Variants in GLT8D1 observed in about 807,000 individuals in gnomAD.
The protein encoded by GLT8D1 is glycosyltransferase 8 domain-containing protein 1.
A neutral mutation model predicts 46.2 loss-of-function variants in GLT8D1; 41 were observed. The observed-to-expected ratio is 0.89, with a 90% CI of 0.69 to 1.15. The LOEUF is 1.15. Ranked by LOEUF, GLT8D1 falls within the 50% of genes most tolerant of loss-of-function variation. GLT8D1 has a pLI of 0.00. For synonymous variants in GLT8D1, 150 were observed against 154.2 expected (o/e 0.97, Z 0.20); for missense variants, 408 against 449.3 (o/e 0.91, Z 0.83).
rs994896762 is a variant in GLT8D1, at chr3:52,701,659, G to A, written c.-36-1163C>T. Among the ~76,000 whole-genome samples, 5 of 152,072 alleles carry A rather than the reference G, an allele frequency of 3.3e-5. No homozygotes were observed. In the South Asian group the frequency reaches 6.2e-4, roughly 19 times the overall value. ...TGAGATTACAGGCGTGAGCCACCAC[G>A]CCCGGCCAAAAAAACATTTAAGGTG... On this transcript the variant is annotated intron_variant, in intron 1 of 9. Coordinates refer to ENST00000266014, the MANE Select transcript of GLT8D1 (RefSeq NM_018446.4).
At position 52,697,702 on chromosome 3, in the gene GLT8D1, TCA is replaced by T. The variant is rs1391263126; in HGVS notation, c.329+17_329+18del. 2 of 1,529,354 alleles carry T rather than the reference TCA, an allele frequency of 1.3e-6. No homozygotes were observed. Among genetic ancestry groups the T allele is most frequent in the African/African-American group, 2.7e-5 (2 of 73,218 alleles). 94.7% of individuals were successfully genotyped at this position (1,529,354 alleles called of 1,614,324 possible). A position where few individuals can be genotyped will look rare whatever the true frequency, so the allele number is the denominator to read the frequency against. ...TCTAAATCATCCTCTAGAAGCAGAA[TCA>T]CATAAGCAGAGCTCACCGGAGATGG... On this transcript the variant is annotated intron_variant, in intron 4 of 9. Transcript: ENST00000266014.
chr3:52,696,291 T>C lies in GLT8D1; in HGVS notation c.475A>G (p.Ile159Val), dbSNP rs746139018. Residue 159 changes from isoleucine to valine, a missense_variant, in exon 6 of 10, where the codon ATT (isoleucine) becomes GTT (valine). Physicochemically the swap from Ile to Val is conservative, Grantham distance 29 (BLOSUM62 3). Transcript: ENST00000266014. ...PLTFARFYLP[I>V]LVPSAKKAIY... ...GCCTTCTTTGCGCTGGGAACCAGAA[T>C]TGGCAAGTAGAACCTTGCAAAGGTT... 16 of 1,611,684 alleles carry C rather than the reference T, an allele frequency of 9.9e-6. No homozygotes were observed. The highest frequency in any genetic ancestry group is 2.7e-5 in the African/African-American group (2 of 74,886).
intron 1 of GLT8D1, among the ~76,000 whole-genome samples, chr3:52,701,988 A>G (rs146114201): frequency 6.6e-6 from 1 of 152,338 alleles, no homozygotes; most frequent in East Asian, 1.9e-4. Context: ...TAAGGCTATT[A>G]ATTTTACAAA....
At chr3:52,696,745 A>G (rs1312900769) in intron 4 of GLT8D1, 86 bp from the exon 5 acceptor site, 56 of 745,072 alleles carry the variant, frequency 7.5e-5, no homozygotes, top group Non-Finnish European at 9.3e-6. Context: ...CCTATGGACC[A>G]AATAGGTGTT....
rs200901885 is a variant in GLT8D1 at position 52,700,428 on chromosome 3, T to C, written c.16+17A>G. On this transcript the variant is annotated intron_variant, in intron 2 of 9. Coordinates refer to ENST00000266014, the MANE Select transcript of GLT8D1 (RefSeq NM_018446.4). ...TGACCAGGTATAAAAACAACTTAAC[T>C]TGTAGAAAGAGCATACCTTTACGGA... 1.3e-6 allele frequency: 2 copies of C among 1,596,010 alleles called. No homozygotes were observed. Among genetic ancestry groups the C allele is most frequent in the African/African-American group, 1.3e-5 (1 of 74,588 alleles).
intron 3 of GLT8D1, among the ~76,000 whole-genome samples, chr3:52,698,752 T>TACGG (rs139659655): frequency 0.039 from 5,881 of 151,574 alleles, 378 homozygotes; most frequent in African/African-American, 0.13. Flanking sequence ...AAACTGCAAT[T>TACGG]ACTGTCCTGT....
chr3:52,698,367 AG>A (rs1215296796), intron 3 of GLT8D1, among the ~76,000 whole-genome samples: 1 of 152,188 alleles, frequency 6.6e-6, no homozygotes, highest in African/African-American at 2.4e-5. Context: ...ATACAGAAAA[AG>A]TTTCTGGATT....
chr3:52,701,747 G>A (rs956964525), intron 1 of GLT8D1, among the ~76,000 whole-genome samples: 6 of 152,200 alleles, frequency 3.9e-5, no homozygotes, highest in African/African-American at 1.4e-4. Context: ...GTGTCTAATT[G>A]TCACAATGTC....
At position 52,694,775 on chromosome 3, in the gene GLT8D1, C is replaced by CTGTT; in HGVS notation, c.*66_*69dup. 1.9e-6 allele frequency: 2 copies of CTGTT among 1,077,276 alleles called. No homozygotes were observed. The highest frequency in any genetic ancestry group is 2.5e-5 in the South Asian group (2 of 79,598). The allele number at this position is 1,077,276 out of a possible 1,614,324, so 66.7% of individuals were successfully genotyped here. ...ACCGATAGGCATTGAAGCCTAGCAA[C>CTGTT]TGTTACTTCCCACGCATGCTATCTT... is the stretch of plus-strand genomic sequence containing the variant. On this transcript the variant is annotated 3_prime_UTR_variant, in exon 10 of 10. Coordinates refer to ENST00000266014, the MANE Select transcript of GLT8D1 (RefSeq NM_018446.4).
chr3:52,699,083 T>A (rs2097336974), intron 3 of GLT8D1, among the ~76,000 whole-genome samples: 1 of 152,028 alleles, frequency 6.6e-6, no homozygotes, highest in East Asian at 1.9e-4. Flanking sequence ...GAAAAACATG[T>A]CATGTACAGT....
intron 4 of GLT8D1, among the ~76,000 whole-genome samples, chr3:52,697,286 C>A (rs2097334739): frequency 6.6e-6 from 1 of 152,228 alleles, no homozygotes; most frequent in African/African-American, 2.4e-5. Context: ...CCAGATCACT[C>A]TGGGCCAGGA....
At chr3:52,697,435 C>T (rs927328952) in intron 4 of GLT8D1, 3 of 410,692 alleles carry the variant, frequency 7.3e-6, no homozygotes, top group South Asian at 5.0e-5. Flanking sequence ...ATTTACTGCT[C>T]CCTTCACTGA....
At chr3:52,695,144 G>T in intron 9 of GLT8D1, 46 bp downstream of exon 9, 2 of 1,482,056 alleles carry the variant, frequency 1.3e-6, no homozygotes, top group Non-Finnish European at 1.9e-6. Context: ...TAGTTCTTTA[G>T]ATACCAATTC....
Position 52,696,580 on chromosome 3 carries a change from CT to C in GLT8D1, c.408del (p.Val137Ter). 6.2e-7 allele frequency: 1 copy of C among 1,607,258 alleles called. No homozygotes were observed. The highest frequency in any genetic ancestry group is 8.5e-7 in the Non-Finnish European group (1 of 1,173,756). ...VNFDPKLLEG[K>X]VKEDPDQGES... The stretch of plus-strand genomic sequence containing the variant: ...TCCCCCTGGTCAGGATCCTCCTTTA[CT>C]TTTCCTTCCAAAAGTTTAGGGTCAA... On this transcript the variant is annotated frameshift_variant, in exon 5 of 10. Coordinates refer to ENST00000266014, the MANE Select transcript of GLT8D1 (RefSeq NM_018446.4). LOFTEE classifies it high-confidence loss of function.
intron 1 of GLT8D1, chr3:52,700,718 CAGCCTTAGCCTTGTACAT>C: frequency 2.4e-6 from 1 of 412,020 alleles, no homozygotes; most frequent in Non-Finnish European, 4.4e-6. Context: ...GTTGGAGAAA[CAGCCTTAGCCTTGTACAT>C]TATACATCAC....
At chr3:52,702,567 C>A (rs375915377) in intron 1 of GLT8D1, among the ~76,000 whole-genome samples, 12 of 151,822 alleles carry the variant, frequency 7.9e-5, no homozygotes, top group South Asian at 4.2e-4. Context: ...AAATAAAAAG[C>A]AATAAAAACT....
intron 1 of GLT8D1, chr3:52,705,023 G>C (rs2097342723): frequency 6.6e-6 from 1 of 152,280 alleles, no homozygotes; most frequent in African/African-American, 2.4e-5. Flanking sequence ...CCCTGTCCCG[G>C]GAGTGCCTAG....
intron 8 of GLT8D1, 56 bp from the exon 9 acceptor site, chr3:52,695,358 T>C: frequency 6.3e-7 from 1 of 1,579,832 alleles, no homozygotes; most frequent in Non-Finnish European, 8.7e-7. Context: ...TAACTCCTGT[T>C]AGTCAAGACT....
rs2154100598 is a variant in GLT8D1, at chr3:52,700,165, C to G, written c.115+97G>C. ...AGATCAAACCCTTAACAAACAACTGCTAGTACTACCGGAAGAAGAACAACT... is the reference window on the plus strand; with the variant it reads ...AGATCAAACCCTTAACAAACAACTGGTAGTACTACCGGAAGAAGAACAACT... On this transcript the variant is annotated intron_variant, in intron 3 of 9. Transcript: ENST00000266014. 4.0e-6 allele frequency: 3 copies of G among 743,508 alleles called. No homozygotes were observed. In the East Asian group the frequency reaches 7.5e-5, roughly 19 times the overall value. 46.1% of individuals were successfully genotyped at this position (743,508 alleles called of 1,614,324 possible). A position where few individuals can be genotyped will look rare whatever the true frequency, so the allele number is the denominator to read the frequency against.
Sources: allele counts gnomAD v4.1 joint callset (sites outside exome capture counted in the v4.1 genomes callset), GRCh38; gene constraint gnomAD v4.1.1; transcripts MANE v1.5; gene names NCBI Gene and HGNC (gene_info 2026-07-23, HGNC 2026-07-21).